Variants in DENND2D observed in about 807,000 individuals in gnomAD.
DENND2D encodes DENN domain-containing protein 2D.
Under a neutral mutation model 59.8 loss-of-function variants are expected in DENND2D, and 37 were observed. That is an observed-to-expected ratio of 0.62 (90% confidence interval 0.48 to 0.81). The LOEUF (loss-of-function observed/expected upper bound fraction) is 0.81. DENND2D is among the 40% of genes least tolerant of loss of function. The pLI is 0.00. For synonymous variants in DENND2D, 219 were observed against 211.3 expected (o/e 1.04, Z -0.31); for missense variants, 525 against 579.7 (o/e 0.91, Z 0.97).
chr1:111,204,356 C>A, upstream of DENND2D: 1 of 1,445,356 alleles, frequency 6.9e-7, no homozygotes, highest in Admixed American at 2.7e-5. Flanking sequence ...CCATCCATGG[C>A]CCCTGGAGTG....
At chr1:111,190,140 G>A (rs181040914) in intron 8 of DENND2D, among the ~76,000 whole-genome samples, 25 of 145,648 alleles carry the variant, frequency 1.7e-4, no homozygotes, top group Admixed American at 1.5e-3. Flanking sequence ...CTCCAGCCTG[G>A]GCGACACAGC....
Position 111,188,783 on chromosome 1 carries a change from C to G in DENND2D, c.1018G>C (p.Gly340Arg). The G allele has an allele frequency of 6.2e-7, 1 of 1,613,832 alleles. No homozygotes were observed. The highest frequency in any genetic ancestry group is 1.3e-5 in the African/African-American group (1 of 74,970). Residue 340 changes from glycine to arginine, a missense_variant, in exon 10 of 12, where the codon GGT (glycine) becomes CGT (arginine). Gly to Arg is a moderately radical substitution (Grantham distance 125, BLOSUM62 -2). Transcript: ENST00000357640. ...GGTGGCAGGATGTCTTTTTCATCAC[C>G]AACCTAGAAGAGGACAGAGCTCCGA... ...LCEGTFLMSV[G>R]DEKDILPPKL... is the part of the protein sequence containing the mutation.
intron 5 of DENND2D, chr1:111,196,335 C>G (rs1425171333): frequency 3.7e-6 from 1 of 267,562 alleles, no homozygotes; most frequent in Admixed American, 4.9e-5. Flanking sequence ...TCTCCTAACA[C>G]CAACATAAAA....
intron 8 of DENND2D, among the ~76,000 whole-genome samples, chr1:111,191,765 G>A (rs1657796091): frequency 1.3e-5 from 2 of 152,176 alleles, no homozygotes; most frequent in South Asian, 4.1e-4. Flanking sequence ...GTATAGACCA[G>A]CTGTGTCATA....
upstream of DENND2D, among the ~76,000 whole-genome samples, chr1:111,202,868 T>C (rs1658948561): frequency 6.6e-6 from 1 of 151,882 alleles, no homozygotes; most frequent in Non-Finnish European, 1.5e-5. Flanking sequence ...GTTCTTACAG[T>C]TCCTCAGTAT....
intron 8 of DENND2D, among the ~76,000 whole-genome samples, chr1:111,191,141 T>G (rs1403180277): frequency 1.3e-5 from 2 of 152,202 alleles, no homozygotes; most frequent in African/African-American, 4.8e-5. Flanking sequence ...GGGCTAATAC[T>G]CTGTCCCAGT....
Position 111,198,615 on chromosome 1 carries a change from G to A in DENND2D, c.356+15C>T, listed in dbSNP as rs964106545. 3 of 1,613,136 alleles carry A rather than the reference G, an allele frequency of 1.9e-6. No homozygotes were observed. The highest frequency in any genetic ancestry group is 2.7e-5 in the African/African-American group (2 of 74,916). On this transcript the variant is annotated intron_variant, in intron 3 of 11. Transcript: ENST00000357640. The stretch of plus-strand genomic sequence containing the variant: ...TCCCCAAATCCAATACCCTTGCCCA[G>A]GGCTGAGCAATTACCTGGGATACTC...
Position 111,192,262 on chromosome 1 carries a change from C to T in DENND2D, c.850G>A (p.Ala284Thr). 1.9e-6 allele frequency: 3 copies of T among 1,613,816 alleles called. No individual in the cohort carries two copies. Among genetic ancestry groups the T allele is most frequent in the East Asian group, 4.5e-5 (2 of 44,874 alleles). Residue 284 changes from alanine to threonine, a missense_variant, in exon 8 of 12, where the codon GCG becomes ACG. This residue lies in a region of DENND2D where 225 missense variants were observed against 252.4 expected (regional missense o/e 0.89). Transcript: ENST00000357640. ...AAALLYPFSWAHTYIPVVPES... is the reference protein window; with the variant it reads ...AAALLYPFSWTHTYIPVVPES... ...GGGACAACAGGGATGTAGGTGTGCG[C>T]CCAGCTGAAGGGGTAGAGCAGTGCG...
In DENND2D at chr1:111,188,172, AGTGAGAAGAGCT is replaced by A; in HGVS notation, c.1286_1297del (p.Gln429_Ser432del). The A allele has an allele frequency of 6.2e-7, 1 of 1,614,138 alleles. No individual in the cohort carries two copies. The highest frequency in any genetic ancestry group is 8.5e-7 in the Non-Finnish European group (1 of 1,180,018). On this transcript the variant is annotated inframe_deletion, in exon 11 of 12. Coordinates refer to ENST00000357640, the MANE Select transcript of DENND2D (RefSeq NM_024901.5). ...GCTCTTCTCGGCTTCCTGGATGAAA[AGTGAGAAGAGCT>A]GTGTCTTCACAAACTTCTTCACAAA... is the stretch of plus-strand genomic sequence containing the variant.
upstream of DENND2D, among the ~76,000 whole-genome samples, chr1:111,202,029 T>C (rs1447404736): frequency 2.0e-5 from 3 of 152,184 alleles, no homozygotes; most frequent in Non-Finnish European, 4.4e-5. Flanking sequence ...GCTATTAAAA[T>C]TGACAGGATT....
At chr1:111,198,783 G>C (rs1456773310) in intron 2 of DENND2D, 41 bp from the exon 3 acceptor site, 1 of 1,604,258 alleles carries the variant, frequency 6.2e-7, no homozygotes, top group African/African-American at 1.3e-5. Flanking sequence ...TGAAGCTGGG[G>C]GCAGAGATAG....
rs200450897 is a variant in DENND2D, at chr1:111,198,745, A to G, written c.244-3T>C. 3.2e-5 allele frequency: 51 copies of G among 1,613,986 alleles called. No individual in the cohort carries two copies. Among genetic ancestry groups the G allele is most frequent in the Non-Finnish European group, 6.8e-6 (8 of 1,180,004 alleles). On this transcript the variant is annotated splice_region_variant and splice_polypyrimidine_tract_variant and intron_variant, in intron 2 of 11. Coordinates refer to ENST00000357640, the MANE Select transcript of DENND2D (RefSeq NM_024901.5). ...TGACCCCGAAGCAGGTTCTCCCGCT[A>G]TAAGGCAAAGGAAAAGACAAGTGGA... is the stretch of plus-strand genomic sequence containing the variant.
Position 111,197,963 on chromosome 1 carries a change from T to C in DENND2D, c.383A>G (p.Asn128Ser), listed in dbSNP as rs200194781. The change falls in exon 4 of 12, where the codon AAT becomes AGT. Residue 128 changes from asparagine to serine, a missense_variant. Physicochemically the swap from Asn to Ser is conservative, Grantham distance 46 (BLOSUM62 1). This residue lies in a region of DENND2D where 253 missense variants were observed against 246.4 expected (regional missense o/e 1.03). Transcript: ENST00000357640. ...TCCAATCTTTCTGCTCCCATCCACATTGGTCAGAACGAAGGAGAAGGTCTC... is the reference window on the plus strand; with the variant it reads ...TCCAATCTTTCTGCTCCCATCCACACTGGTCAGAACGAAGGAGAAGGTCTC... ...PRETFSFVLT[N>S]VDGSRKIGYC... 1.3e-4 allele frequency: 205 copies of C among 1,614,062 alleles called. 2 individuals are homozygous for C. In the East Asian group the frequency reaches 4.2e-3, roughly 33 times the overall value.
At position 111,192,248 on chromosome 1, in the gene DENND2D, G is replaced by T; in HGVS notation, c.864C>A (p.Ile288=). 1.2e-6 allele frequency: 2 copies of T among 1,614,088 alleles called. No individual in the cohort carries two copies. The highest frequency in any genetic ancestry group is 4.5e-5 in the East Asian group (2 of 44,874). ...LYPFSWAHTY[I]PVVPESLLAT... ...CCAGAAGGCTCTCAGGGACAACAGGGATGTAGGTGTGCGCCCAGCTGAAGG... is the reference window on the plus strand; with the variant it reads ...CCAGAAGGCTCTCAGGGACAACAGGTATGTAGGTGTGCGCCCAGCTGAAGG... Residue 288 remains isoleucine (I), a synonymous_variant, in exon 8 of 12, where the codon ATC becomes ATA. Transcript: ENST00000357640.
chr1:111,193,434 A>G (rs1657953887), intron 7 of DENND2D, among the ~76,000 whole-genome samples: 1 of 152,158 alleles, frequency 6.6e-6, no homozygotes, highest in Non-Finnish European at 1.5e-5. Context: ...CCACACAGGA[A>G]TTTCTGGTTT....
rs976944437 is a variant in DENND2D at position 111,200,401 on chromosome 1, A to G, written c.59T>C (p.Leu20Pro). 6.2e-7 allele frequency: 1 copy of G among 1,612,126 alleles called. No homozygotes were observed. Among genetic ancestry groups the G allele is most frequent in the Non-Finnish European group, 8.5e-7 (1 of 1,179,066 alleles). ...GGCAGTCCAGTCCTGACCTGCTCGG[A>G]GTTGAAGCAGTCGGCGTTGGAAGAG... is the stretch of plus-strand genomic sequence containing the variant. ...FRLFQRRLLQ[L>P]RAGPPQDNSG... The change falls in exon 1 of 12, where the codon CTC becomes CCC. Residue 20 changes from leucine (L) to proline (P), a missense_variant. Around this residue, in one of 3 missense-constraint regions of DENND2D, gnomAD observed 253 missense variants for 246.4 expected, o/e 1.03. Transcript: ENST00000357640.
upstream of DENND2D, among the ~76,000 whole-genome samples, chr1:111,203,304 C>A (rs1025146745): frequency 6.6e-6 from 1 of 152,214 alleles, no homozygotes. Flanking sequence ...TCCCTGAGGT[C>A]CCCCCAACTC....
At chr1:111,196,888 T>C (rs1386289215) in intron 5 of DENND2D, 6 of 386,626 alleles carry the variant, frequency 1.6e-5, no homozygotes, top group Non-Finnish European at 4.8e-6. Flanking sequence ...ATGAGGAAAT[T>C]GAAACTCAGG....
In DENND2D at chr1:111,200,506, A is replaced by T. The variant is rs1658700246; in HGVS notation, c.-47T>A. The T allele has an allele frequency of 6.4e-7, 1 of 1,573,256 alleles. No homozygotes were observed. The highest frequency in any genetic ancestry group is 1.4e-5 in the African/African-American group (1 of 73,632). Reference sequence around the variant, plus strand: ...CGGACTCCCCTCTCCCCTAACACAGACAGACTGGTGACAGTAAGCCTGAGA... The same window carrying T: ...CGGACTCCCCTCTCCCCTAACACAGTCAGACTGGTGACAGTAAGCCTGAGA... On this transcript the variant is annotated 5_prime_UTR_variant, in exon 1 of 12. It introduces an in-frame stop codon into an upstream open reading frame of the 5' UTR. Coordinates refer to ENST00000357640, the MANE Select transcript of DENND2D (RefSeq NM_024901.5).
Sources: gnomAD v4.1 joint callset for allele counts (sites outside exome capture counted in the v4.1 genomes callset) on GRCh38, gnomAD v4.1.1 for gene constraint, gnomAD v4.1.1 regional missense constraint, MANE v1.5 for transcripts, NCBI Gene and HGNC (gene_info 2026-07-23, HGNC 2026-07-21) for gene names.